WDR91: variants seen among roughly 807,000 people sequenced by gnomAD.
WDR91 encodes WD repeat domain 91, also known as WD repeat-containing protein 91.
Under a neutral mutation model 88.4 loss-of-function variants are expected in WDR91, and 52 were observed. The observed-to-expected ratio is 0.59, with a 90% CI of 0.47 to 0.74. WDR91 has a LOEUF of 0.74. WDR91 is among the 30% of genes least tolerant of loss of function. The probability of loss-of-function intolerance (pLI) is 0.00; values close to 1 mark genes in which losing one functional copy is unlikely to be tolerated. For missense variants in WDR91, 824 were observed against 954.5 expected (o/e 0.86, Z 1.80); for synonymous variants, 362 against 389.5 (o/e 0.93, Z 0.83).
intron 2 of WDR91, 162 bp downstream of exon 2, chr7:135,209,414 G>GA (rs141497035): frequency 8.1e-5 from 52 of 641,338 alleles, no homozygotes; most frequent in Middle Eastern, 2.8e-4. Context: ...TGACGACAAG[G>GA]AAAAAAAAGA....
intron 4 of WDR91, 187 bp downstream of exon 4, chr7:135,206,933 G>A (rs1178425625): frequency 1.9e-5 from 6 of 313,458 alleles, no homozygotes; most frequent in South Asian, 3.4e-5. Flanking sequence ...TATGAATCTC[G>A]CCTCTGGTTT....
At chr7:135,192,407 T>C (rs1176908057) in intron 11 of WDR91, among the ~76,000 whole-genome samples, 3 of 152,234 alleles carry the variant, frequency 2.0e-5, no homozygotes, top group Non-Finnish European at 2.9e-5. Flanking sequence ...CATGAGCAAC[T>C]GCTCCTGGCC....
In WDR91 at chr7:135,207,163, C is replaced by G. The variant is rs1297306872; in HGVS notation, c.551G>C (p.Arg184Thr). Residue 184 changes from arginine to threonine, a missense_variant, in exon 4 of 15, where the codon AGG (arginine) becomes ACG (threonine). Physicochemically the swap from Arg to Thr is moderately conservative, Grantham distance 71 (BLOSUM62 -1). Transcript: ENST00000354475. ...ATTTTCTTCTTGAACCTGGTTAGTC[C>G]TCTGACACTCCGCATCAAAGTTCAG... ...VILNFDAECQ[R>T]TNQVQEENEV... 5.6e-6 allele frequency: 9 copies of G among 1,608,220 alleles called. No homozygotes were observed. The highest frequency in any genetic ancestry group is 7.7e-6 in the Non-Finnish European group (9 of 1,176,028).
intron 6 of WDR91, chr7:135,199,704 T>C (rs1345622916): frequency 1.3e-5 from 2 of 152,230 alleles, no homozygotes; most frequent in Admixed American, 1.3e-4. Flanking sequence ...GGATTCTGCC[T>C]TGGAAGCAAA....
At chr7:135,198,963 T>C (rs763057509) in intron 6 of WDR91, 1 of 152,188 alleles carries the variant, frequency 6.6e-6, no homozygotes, top group African/African-American at 2.4e-5. Flanking sequence ...TACCCACAAA[T>C]TGTGATGGCC....
chr7:135,206,485 A>G (rs1585436545), intron 4 of WDR91, among the ~76,000 whole-genome samples: 1 of 151,718 alleles, frequency 6.6e-6, no homozygotes, highest in Admixed American at 6.6e-5. Context: ...ATATACACAC[A>G]CCCCAAATCC....
intron 6 of WDR91, among the ~76,000 whole-genome samples, chr7:135,203,156 C>T (rs1831633793): frequency 6.6e-6 from 1 of 152,182 alleles, no homozygotes; most frequent in Non-Finnish European, 1.5e-5. Context: ...AGTTAAGGTG[C>T]CTGGCCCCAA....
In WDR91 at chr7:135,197,985, C is replaced by A; in HGVS notation, c.1050+8G>T. ...GTGTCCCCAGGGGTGTTCAGGACAA[C>A]CCCATACCTGGGAAGTGGTTGTGGA... On this transcript the variant is annotated splice_region_variant and intron_variant, in intron 7 of 14. Transcript: ENST00000354475. 2.5e-6 allele frequency: 4 copies of A among 1,613,714 alleles called. No individual in the cohort carries two copies. The highest frequency in any genetic ancestry group is 3.4e-6 in the Non-Finnish European group (4 of 1,179,700).
chr7:135,186,375 C>T (rs1020387323), intron 14 of WDR91, 60 bp from the exon 15 acceptor site: 1 of 1,557,620 alleles, frequency 6.4e-7, no homozygotes, highest in African/African-American at 1.4e-5. Flanking sequence ...CACACTTGAT[C>T]CACTTTCAGT....
At chr7:135,193,749 G>A in intron 9 of WDR91, 77 bp from the exon 10 acceptor site, 1 of 1,323,980 alleles carries the variant, frequency 7.6e-7, no homozygotes. Context: ...CAGAGGGGGT[G>A]AGGCTGGGCA....
chr7:135,187,169 A>G lies in WDR91; in HGVS notation c.1882T>C (p.Phe628Leu), dbSNP rs985046808. 6.2e-7 allele frequency: 1 copy of G among 1,614,088 alleles called. No individual in the cohort carries two copies. Among genetic ancestry groups the G allele is most frequent in the Non-Finnish European group, 8.5e-7 (1 of 1,180,020 alleles). Residue 628 changes from phenylalanine (F) to leucine (L), a missense_variant and splice_region_variant, in exon 14 of 15, where the codon TTC becomes CTC. Phe to Leu is a conservative substitution (Grantham distance 22, BLOSUM62 0). Coordinates refer to ENST00000354475, the MANE Select transcript of WDR91 (RefSeq NM_014149.4). ...CTCTTGTGGATGTTCCACTGGATGA[A>G]CTGCAGTCACAGGGCACAAGCAGGG... is the stretch of plus-strand genomic sequence containing the variant. ...TVYSIGEDGKFIQWNIHKSGL... is the reference protein window; with the variant it reads ...TVYSIGEDGKLIQWNIHKSGL...
At chr7:135,200,601 A>G (rs902007554) in intron 6 of WDR91, among the ~76,000 whole-genome samples, 2 of 152,246 alleles carry the variant, frequency 1.3e-5, no homozygotes, top group African/African-American at 4.8e-5. Flanking sequence ...GACAGATGAA[A>G]TAACTGTTCA....
At chr7:135,205,116 T>C (rs1423362676) in intron 5 of WDR91, among the ~76,000 whole-genome samples, 1 of 110,690 alleles carries the variant, frequency 9.0e-6, no homozygotes, top group Admixed American at 1.1e-4. Context: ...CAACCACTAC[T>C]ATTATTATCA....
At chr7:135,194,875 C>T in intron 9 of WDR91, 59 bp downstream of exon 9, 3 of 1,597,746 alleles carry the variant, frequency 1.9e-6, no homozygotes, top group Non-Finnish European at 2.6e-6. Context: ...CGGTGGAGAA[C>T]CCTGGGGAAT....
intron 1 of WDR91, 98 bp from the exon 2 acceptor site, chr7:135,209,853 TA>T (rs898442822): frequency 1.0e-3 from 1,149 of 1,120,932 alleles, no homozygotes; most frequent in South Asian, 1.9e-3. Flanking sequence ...CTTCTGGGTG[TA>T]AAAAAAAATT....
At chr7:135,205,784 G>C in intron 5 of WDR91, 144 bp downstream of exon 5, 1 of 1,218,590 alleles carries the variant, frequency 8.2e-7, no homozygotes, top group Non-Finnish European at 1.2e-6. Context: ...AAGCTCTCAA[G>C]CAAGAGCAGT....
intron 12 of WDR91, among the ~76,000 whole-genome samples, 166 bp downstream of exon 12, chr7:135,189,178 T>C (rs575572041): frequency 1.3e-5 from 2 of 152,176 alleles, no homozygotes; most frequent in Non-Finnish European, 2.9e-5. Flanking sequence ...TTTATTACGG[T>C]GGGTGTTTTG....
At chr7:135,200,358 C>G (rs1272561096) in intron 6 of WDR91, 1 of 152,222 alleles carries the variant, frequency 6.6e-6, no homozygotes, top group Non-Finnish European at 1.5e-5. Context: ...CCATAAAACT[C>G]TGGCCAAGCA....
chr7:135,193,149 A>G (rs2117650187), intron 11 of WDR91, 82 bp downstream of exon 11: 4 of 1,529,742 alleles, frequency 2.6e-6, no homozygotes, highest in Non-Finnish European at 3.5e-6. Flanking sequence ...CAAAGCAAAA[A>G]GAGGGAAGAG....
Sources: gnomAD v4.1 joint callset for allele counts (sites outside exome capture counted in the v4.1 genomes callset) on GRCh38, gnomAD v4.1.1 for gene constraint, MANE v1.5 for transcripts, NCBI Gene and HGNC (gene_info 2026-07-23, HGNC 2026-07-21) for gene names.